HYLS1: variants seen among roughly 807,000 people sequenced by gnomAD.
HYLS1 encodes the protein centriolar and ciliogenesis-associated protein HYLS1.
Under a neutral mutation model 29.4 loss-of-function variants are expected in HYLS1, and 25 were observed. The ratio of observed to expected loss-of-function variants is 0.85; its 90% CI spans 0.62 to 1.19. The LOEUF is 1.19. Ranked by LOEUF, HYLS1 falls within the 50% of genes most tolerant of loss-of-function variation. HYLS1 has a pLI of 0.00. For missense variants in HYLS1, 352 were observed against 365.1 expected (o/e 0.96, Z 0.29); for synonymous variants, 128 against 126.7 (o/e 1.01, Z -0.07).
intron 2 of HYLS1, chr11:125,895,612 C>T: frequency 6.2e-7 from 1 of 1,614,242 alleles, no homozygotes; most frequent in Non-Finnish European, 8.5e-7. Context: ...CTGAACCTAG[C>T]ACTGAAGCTT....
chr11:125,893,563 C>T (rs995108106), intron 2 of HYLS1: 7 of 415,150 alleles, frequency 1.7e-5, no homozygotes, highest in African/African-American at 4.1e-5. Flanking sequence ...CTCCATTTTA[C>T]GTTCTTTAAT....
In HYLS1 at chr11:125,893,728, T is replaced by TC. The variant is rs1436771296; in HGVS notation, c.-26+2258dup. 3.6e-6 allele frequency: 5 copies of TC among 1,400,960 alleles called. No individual in the cohort carries two copies. In the East Asian group the frequency reaches 9.8e-5, roughly 28 times the overall value. The allele number at this position is 1,400,960 out of a possible 1,614,324, so 86.8% of individuals were successfully genotyped here. ...ACTTGCAAGTAAATTTTTTTTTTTTTCCTTTTCTGTCCACCTACCATTAGG... is the reference window on the plus strand; with the variant it reads ...ACTTGCAAGTAAATTTTTTTTTTTTTCCCTTTTCTGTCCACCTACCATTAGG... On this transcript the variant is annotated intron_variant, in intron 2 of 2. Coordinates refer to ENST00000425380, the MANE Select transcript of HYLS1 (RefSeq NM_001134793.2).
chr11:125,899,926 G>C lies in HYLS1; in HGVS notation c.558G>C (p.Leu186=). The change falls in exon 3 of 3, where the codon CTG becomes CTC. Residue 186 remains leucine (L), a synonymous_variant. Transcript: ENST00000425380. ...GCTCTCCAGCTTACGAACAAGACCT[G>C]ATTGTTGCCAGCAGACCCAAGTCCT... The part of the protein sequence containing the change: ...GMGSPAYEQD[L]IVASRPKSFI... 1.2e-6 allele frequency: 2 copies of C among 1,614,214 alleles called. No homozygotes were observed. Among genetic ancestry groups the C allele is most frequent in the Non-Finnish European group, 1.7e-6 (2 of 1,180,036 alleles).
At chr11:125,891,143 A>G (rs1023099048) in intron 1 of HYLS1, among the ~76,000 whole-genome samples, 9 of 152,208 alleles carry the variant, frequency 5.9e-5, no homozygotes, top group Non-Finnish European at 1.0e-4. Context: ...TACTTTTGCA[A>G]AGTTGCATTT....
intron 2 of HYLS1, among the ~76,000 whole-genome samples, chr11:125,896,549 T>G (rs964761545): frequency 6.6e-6 from 1 of 152,220 alleles, no homozygotes; most frequent in Non-Finnish European, 1.5e-5. Flanking sequence ...TATTCAGTTG[T>G]CATTATTAAG....
chr11:125,892,498 T>G (rs1000203438), intron 2 of HYLS1, among the ~76,000 whole-genome samples: 1 of 152,164 alleles, frequency 6.6e-6, no homozygotes, highest in Non-Finnish European at 1.5e-5. Context: ...TCTATCTCAT[T>G]TTTCCTCTCT....
At chr11:125,896,333 GA>G in intron 2 of HYLS1, 2 of 1,514,752 alleles carry the variant, frequency 1.3e-6, no homozygotes, top group South Asian at 2.5e-5. Context: ...TGCCCTGTCT[GA>G]AAAGAGAGCA....
At chr11:125,895,845 AGT>A in intron 2 of HYLS1, 1 of 1,584,674 alleles carries the variant, frequency 6.3e-7, no homozygotes, top group Non-Finnish European at 8.6e-7. Context: ...CTCAGTACTC[AGT>A]GTGTATACCT....
chr11:125,890,731 C>T (rs933083531), intron 1 of HYLS1, among the ~76,000 whole-genome samples: 48 of 152,230 alleles, frequency 3.2e-4, no homozygotes, highest in African/African-American at 1.1e-3. Flanking sequence ...AAGTTTCCCT[C>T]TAAAGAGAAA....
At chr11:125,893,810 T>A in intron 2 of HYLS1, 1 of 1,612,598 alleles carries the variant, frequency 6.2e-7, no homozygotes, top group Non-Finnish European at 8.5e-7. Flanking sequence ...AATTTCTGTG[T>A]CAACACAGAC....
chr11:125,898,262 G>A (rs893294790), intron 2 of HYLS1, among the ~76,000 whole-genome samples: 1 of 152,192 alleles, frequency 6.6e-6, no homozygotes, highest in Admixed American at 6.5e-5. Flanking sequence ...ACAGGAAATA[G>A]TGGACAGTAG....
chr11:125,896,153 A>G, intron 2 of HYLS1: 1 of 1,614,050 alleles, frequency 6.2e-7, no homozygotes, highest in Non-Finnish European at 8.5e-7. Context: ...CTCCTGCTGA[A>G]TTTTCTCTAA....
intron 1 of HYLS1, among the ~76,000 whole-genome samples, chr11:125,889,551 T>C (rs1944372223): frequency 6.6e-6 from 1 of 152,070 alleles, no homozygotes; most frequent in Non-Finnish European, 1.5e-5. Context: ...CTGGCCAACA[T>C]GGTGAAACCA....
intron 2 of HYLS1, chr11:125,893,979 G>T: frequency 6.2e-7 from 1 of 1,614,126 alleles, no homozygotes; most frequent in Non-Finnish European, 8.5e-7. Flanking sequence ...TGGCATTTAG[G>T]ACGGTCCATG....
At chr11:125,889,772 C>T (rs894368987) in intron 1 of HYLS1, among the ~76,000 whole-genome samples, 3 of 151,972 alleles carry the variant, frequency 2.0e-5, no homozygotes, top group African/African-American at 7.2e-5. Flanking sequence ...GCCAAACTGC[C>T]CTCTGGAAAA....
At chr11:125,888,108 G>A (rs1009841144) in intron 1 of HYLS1, 8 of 152,366 alleles carry the variant, frequency 5.3e-5, no homozygotes, top group African/African-American at 1.9e-4. Flanking sequence ...CCCCAGGGCT[G>A]GAGGGGAGTC....
chr11:125,884,331 C>T (rs745514102), upstream of HYLS1, among the ~76,000 whole-genome samples: 1 of 152,058 alleles, frequency 6.6e-6, no homozygotes, highest in Non-Finnish European at 1.5e-5. Flanking sequence ...TTATGTTGGC[C>T]GGGCGCGGTG....
At chr11:125,898,862 A>G (rs1944671518) in intron 2 of HYLS1, among the ~76,000 whole-genome samples, 1 of 151,982 alleles carries the variant, frequency 6.6e-6, no homozygotes, top group Admixed American at 6.6e-5. Context: ...TCCACTACTT[A>G]CTAGCTGAGT....
chr11:125,896,393 G>A, intron 2 of HYLS1: 1 of 1,101,822 alleles, frequency 9.1e-7, no homozygotes, highest in South Asian at 1.6e-5. Flanking sequence ...TGTTCTAATG[G>A]TATATAAGAT....
Sources: allele counts gnomAD v4.1 joint callset (sites outside exome capture counted in the v4.1 genomes callset), GRCh38; gene constraint gnomAD v4.1.1; transcripts MANE v1.5; gene names NCBI Gene and HGNC (gene_info 2026-07-23, HGNC 2026-07-21).